Variants in FCER2 observed in about 807,000 individuals in gnomAD.
FCER2 encodes the protein Fc epsilon receptor II, also known as low affinity immunoglobulin epsilon Fc receptor.
FCER2 carries 38 observed loss-of-function variants against 49.7 expected under a neutral mutation model. The observed-to-expected ratio is 0.76, with a 90% confidence interval of 0.59 to 1.00. FCER2 has a LOEUF of 1.00. Ranked by LOEUF, FCER2 falls within the 50% of genes least tolerant of loss-of-function variation. The pLI is 0.00. For synonymous variants in FCER2, 163 were observed against 164.6 expected (o/e 0.99, Z 0.07); for missense variants, 425 against 419.5 (o/e 1.01, Z -0.11).
At chr19:7,698,885 G>C in intron 2 of FCER2, 31 bp from the exon 3 acceptor site, 1 of 1,553,260 alleles carries the variant, frequency 6.4e-7, no homozygotes, top group Non-Finnish European at 8.7e-7. Flanking sequence ...GACTATGGGT[G>C]CAGGGTGAAG....
intron 10 of FCER2, among the ~76,000 whole-genome samples, chr19:7,689,853 T>G (rs571443675): frequency 8.6e-5 from 13 of 152,038 alleles, no homozygotes; most frequent in African/African-American, 3.1e-4. Context: ...TCCTGGCAGG[T>G]GATCCACCCA....
Position 7,699,988 on chromosome 19 carries a change from A to G in FCER2, c.-85-143T>C, listed in dbSNP as rs113802533. The G allele has an allele frequency of 7.3e-3, 4,326 of 594,580 alleles. 159 individuals are homozygous for G. The highest frequency in any genetic ancestry group is 0.07 in the African/African-American group (3,774 of 53,878). The allele number at this position is 594,580 out of a possible 1,614,324, so 36.8% of individuals were successfully genotyped here. On this transcript the variant is annotated intron_variant, in intron 1 of 10. Transcript: ENST00000597921. ...ATCTGGACTCACTAGCGTGGTTAGC[A>G]GGGAGACACAGCTGGTGTGGAGAGA...
At chr19:7,701,405 A>C (rs1268624587) in intron 1 of FCER2, among the ~76,000 whole-genome samples, 2 of 152,118 alleles carry the variant, frequency 1.3e-5, no homozygotes, top group East Asian at 3.9e-4. Context: ...TGAGCAGCTC[A>C]GTTTGCTCAT....
rs1179089690 is a variant in FCER2 at position 7,700,418 on chromosome 19, G to A, written c.-85-573C>T. On this transcript the variant is annotated intron_variant, in intron 1 of 10. Coordinates refer to ENST00000597921, the MANE Select transcript of FCER2 (RefSeq NM_001220500.2). ...TTATGAAACATCTACTCTGTGCCAC[G>A]TCCCACTGAGAAATGCTAAGAGCCC... 2.6e-5 allele frequency among the ~76,000 whole-genome samples: 4 copies of A among 152,272 alleles called. No individual in the cohort carries two copies. The South Asian group carries it at 6.2e-4, about 24-fold the overall frequency.
intron 8 of FCER2, among the ~76,000 whole-genome samples, chr19:7,691,644 A>G (rs1181048158): frequency 6.6e-6 from 1 of 152,006 alleles, no homozygotes; most frequent in Middle Eastern, 3.2e-3. Context: ...AACCACCAAC[A>G]CCAGCACCAC....
At chr19:7,699,495 T>C (rs2033107128) in intron 2 of FCER2, 3 of 1,370,114 alleles carry the variant, frequency 2.2e-6, no homozygotes, top group Non-Finnish European at 2.9e-6. Context: ...TTTTTTTTCT[T>C]TTTCTTTTTT....
chr19:7,696,773 C>T (rs757881415), intron 8 of FCER2, 52 bp downstream of exon 8: 5 of 1,400,214 alleles, frequency 3.6e-6, no homozygotes, highest in Non-Finnish European at 4.0e-6. Flanking sequence ...CCAACACGCC[C>T]GAGCCCCAGG....
chr19:7,698,318 C>G (rs1440986633), intron 4 of FCER2, 38 bp downstream of exon 4: 1 of 1,477,554 alleles, frequency 6.8e-7, no homozygotes, highest in Non-Finnish European at 9.2e-7. Context: ...GGCATCCTAA[C>G]CCTCACCCCC....
At chr19:7,694,282 T>C (rs1015081289) in intron 8 of FCER2, among the ~76,000 whole-genome samples, 1 of 152,134 alleles carries the variant, frequency 6.6e-6, no homozygotes, top group Admixed American at 6.5e-5. Context: ...AGAGGATCAC[T>C]TGACCCCAGG....
intron 8 of FCER2, among the ~76,000 whole-genome samples, chr19:7,695,653 A>G (rs1332949213): frequency 6.6e-6 from 1 of 152,162 alleles, no homozygotes; most frequent in African/African-American, 2.4e-5. Flanking sequence ...GCAATGACTT[A>G]TGCCTGTAAT....
At chr19:7,698,032 G>A (rs2033062725) in intron 4 of FCER2, among the ~76,000 whole-genome samples, 1 of 152,200 alleles carries the variant, frequency 6.6e-6, no homozygotes, top group Admixed American at 6.5e-5. Context: ...TGCGTTTAGT[G>A]GAAACCTTAA....
intron 2 of FCER2, chr19:7,699,230 G>A (rs2033099136): frequency 2.2e-6 from 1 of 456,254 alleles, no homozygotes; most frequent in Non-Finnish European, 4.1e-6. Context: ...CCAGGACACT[G>A]AGTCCCAGTT....
chr19:7,696,825 C>T lies in FCER2; in HGVS notation c.469G>A (p.Gly157Ser), dbSNP rs147631849. Residue 157 changes from glycine to serine, a missense_variant and splice_region_variant, in exon 8 of 11, where the codon GGC becomes AGC. Coordinates refer to ENST00000597921, the MANE Select transcript of FCER2 (RefSeq NM_001220500.2). ...CCTGAGCAGAGACTCACACACTCAC[C>T]GCTGGACACCTGCAACTCCATCCTT... Reference protein sequence around the residue: ...KLRMELQVSSGFVCNTCPEKW... With the variant: ...KLRMELQVSSSFVCNTCPEKW... 645 of 1,569,768 alleles carry T rather than the reference C, an allele frequency of 4.1e-4. 7 individuals carry two copies. In the South Asian group the frequency reaches 6.6e-3, roughly 16 times the overall value.
intron 8 of FCER2, 132 bp from the exon 9 acceptor site, chr19:7,690,689 AACAG>A: frequency 1.2e-6 from 1 of 823,624 alleles, no homozygotes; most frequent in Non-Finnish European, 1.9e-6. Flanking sequence ...CCCAGGGCCT[AACAG>A]ACAGCCTCAC....
At position 7,690,403 on chromosome 19, in the gene FCER2, C is replaced by T. The variant is rs770845770; in HGVS notation, c.621+3G>A. On this transcript the variant is annotated splice_donor_region_variant and intron_variant, in intron 9 of 10. Coordinates refer to ENST00000597921, the MANE Select transcript of FCER2 (RefSeq NM_001220500.2). Reference sequence around the variant, plus strand: ...CCACCACCTCTGCAGAGCCCCAGCCCACCTGCTCCTCCGGGCTGTGGATGC... The same window carrying T: ...CCACCACCTCTGCAGAGCCCCAGCCTACCTGCTCCTCCGGGCTGTGGATGC... 9.9e-6 allele frequency: 16 copies of T among 1,613,360 alleles called. No individual in the cohort carries two copies. The highest frequency in any genetic ancestry group is 2.2e-5 in the South Asian group (2 of 91,060).
chr19:7,698,443 G>A (rs545536139), intron 3 of FCER2, 34 bp from the exon 4 acceptor site: 4 of 1,546,614 alleles, frequency 2.6e-6, no homozygotes, highest in South Asian at 2.3e-5. Context: ...GTGGAGAGGG[G>A]GGATTGTCAG....
rs767049788 is a variant in FCER2 at position 7,689,423 on chromosome 19, C to A, written c.736G>T (p.Ala246Ser). The change falls in exon 11 of 11, where the codon GCT (alanine) becomes TCT (serine). Residue 246 changes from alanine to serine, a missense_variant. Coordinates refer to ENST00000597921, the MANE Select transcript of FCER2 (RefSeq NM_001220500.2). ...DGSHVDYSNW[A>S]PGEPTSRSQG... ...CTCCGGCTGGTGGGCTCCCCTGGAG[C>A]CCAGTTGCTGGAGCAAAAGGCTTTG... The A allele has an allele frequency of 2.5e-6, 4 of 1,583,382 alleles. No individual in the cohort carries two copies. In the African/African-American group the frequency reaches 4.0e-5, roughly 16 times the overall value.
At chr19:7,693,454 G>C (rs1016836962) in intron 8 of FCER2, among the ~76,000 whole-genome samples, 2 of 150,532 alleles carry the variant, frequency 1.3e-5, no homozygotes. Context: ...AATCTTTCTT[G>C]CTTCAAAATA....
intron 8 of FCER2, among the ~76,000 whole-genome samples, chr19:7,690,892 C>T (rs974182630): frequency 5.3e-5 from 8 of 152,044 alleles, no homozygotes; most frequent in Non-Finnish European, 1.2e-4. Context: ...TGCCACCACA[C>T]ATTCATGTCC....
Sources: gnomAD v4.1 joint callset for allele counts (sites outside exome capture counted in the v4.1 genomes callset) on GRCh38, gnomAD v4.1.1 for gene constraint, MANE v1.5 for transcripts, NCBI Gene and HGNC (gene_info 2026-07-23, HGNC 2026-07-21) for gene names.